Variants in SMUG1 observed in about 807,000 individuals in gnomAD.
SMUG1 encodes the protein single-strand-selective monofunctional uracil-DNA glycosylase 1.
A neutral mutation model predicts 23.9 loss-of-function variants in SMUG1; 13 were observed. That is an observed-to-expected ratio of 0.54 (90% CI 0.35 to 0.86). The LOEUF is 0.86. Ranked by LOEUF, SMUG1 falls within the 40% of genes least tolerant of loss-of-function variation. The pLI is 0.01. For synonymous variants in SMUG1, 133 were observed against 139.8 expected, an observed-to-expected ratio of 0.95 and a Z score of 0.34; for missense variants, 313 against 339.5, an observed-to-expected ratio of 0.92 and a Z score of 0.61.
downstream of SMUG1, among the ~76,000 whole-genome samples, chr12:54,179,235 G>A (rs907740645): frequency 2.6e-5 from 4 of 152,118 alleles, no homozygotes; most frequent in Non-Finnish European, 2.9e-5. Context: ...CCCTGTGATC[G>A]TGTGAGTCAA....
At chr12:54,176,098 T>A (rs992161681), downstream of SMUG1, among the ~76,000 whole-genome samples, 1 of 152,066 alleles carries the variant, frequency 6.6e-6, no homozygotes, top group Admixed American at 6.5e-5. Flanking sequence ...TGTTGGCACA[T>A]GCCTGTAATC....
At chr12:54,173,519 G>A (rs1050201546) in intron 2 of SMUG1, among the ~76,000 whole-genome samples, 2 of 152,208 alleles carry the variant, frequency 1.3e-5, no homozygotes, top group African/African-American at 4.8e-5. Flanking sequence ...GGAAATTACC[G>A]CCAGAATCGC....
intron 2 of SMUG1, among the ~76,000 whole-genome samples, chr12:54,185,526 A>T (rs987470010): frequency 3.8e-5 from 5 of 131,136 alleles, no homozygotes; most frequent in African/African-American, 1.4e-4. Context: ...ATAAATAAAT[A>T]AATTTGCCGG....
intron 3 of SMUG1, among the ~76,000 whole-genome samples, chr12:54,169,182 G>A (rs1415585610): frequency 6.6e-6 from 1 of 152,210 alleles, no homozygotes; most frequent in Non-Finnish European, 1.5e-5. Flanking sequence ...ACAGCCCTAA[G>A]AGACAGTGCT....
Position 54,180,419 on chromosome 12 carries a change from T to C in SMUG1, c.*1677A>G, listed in dbSNP as rs921018768. The C allele has an allele frequency of 6.6e-6, 1 of 152,192 alleles. No homozygotes were observed. Among genetic ancestry groups the C allele is most frequent in the African/African-American group, 2.4e-5 (1 of 41,442 alleles). The allele number at this position is 152,192 out of a possible 1,614,324, so 9.4% of individuals were successfully genotyped here. A position where few individuals can be genotyped will look rare whatever the true frequency, so the allele number is the denominator to read the frequency against. ...ACAATGAAGTAGGGGAGGATTTATA[T>C]GAAAAATCTTACTAATTCTGGAAGC... On this transcript the variant is annotated 3_prime_UTR_variant, in exon 4 of 4. Coordinates refer to ENST00000682136, the MANE Select transcript of SMUG1 (RefSeq NM_001243787.2).
At chr12:54,163,679 A>C (rs1478019546), downstream of SMUG1, among the ~76,000 whole-genome samples, 3 of 152,182 alleles carry the variant, frequency 2.0e-5, no homozygotes, top group Admixed American at 6.5e-5. Flanking sequence ...CCCTGTGGTT[A>C]AGAGCACAGG....
chr12:54,180,119 T>C (rs1387085268), downstream of SMUG1, among the ~76,000 whole-genome samples: 1 of 151,988 alleles, frequency 6.6e-6, no homozygotes, highest in East Asian at 1.9e-4. Flanking sequence ...GCTGGTATCA[T>C]CCAGCTCAAA....
At chr12:54,183,135 A>G (rs1348978949) in intron 3 of SMUG1, 1 of 188,784 alleles carries the variant, frequency 5.3e-6, no homozygotes, top group African/African-American at 2.3e-5. Flanking sequence ...CCCCTCCCCC[A>G]CCTGCCAAGC....
chr12:54,185,246 G>A (rs994562663), intron 2 of SMUG1, among the ~76,000 whole-genome samples: 1 of 151,154 alleles, frequency 6.6e-6, no homozygotes, highest in African/African-American at 2.4e-5. Flanking sequence ...TGGAGGTTGC[G>A]GTGAGCCAAG....
chr12:54,188,046 T>C (rs1457771601), intron 1 of SMUG1, 144 bp from the exon 2 acceptor site: 1 of 151,894 alleles, frequency 6.6e-6, no homozygotes, highest in East Asian at 1.9e-4. Flanking sequence ...TTAAGAAATG[T>C]AGATATTTTA....
Position 54,181,491 on chromosome 12 carries a change from T to G in SMUG1, c.*605A>C, listed in dbSNP as rs1462348946. On this transcript the variant is annotated 3_prime_UTR_variant, in exon 4 of 4. Coordinates refer to ENST00000682136, the MANE Select transcript of SMUG1 (RefSeq NM_001243787.2). ...GAGCCTGAGGCATAGAGAGGTTTAT[T>G]AATTTGTCAATCAAAAAGTTCCAAG... 6.9e-7 allele frequency: 1 copy of G among 1,445,234 alleles called. No individual in the cohort carries two copies. The highest frequency in any genetic ancestry group is 2.0e-5 in the Admixed American group (1 of 50,836). 89.5% of individuals were successfully genotyped at this position (1,445,234 alleles called of 1,614,324 possible). A position where few individuals can be genotyped will look rare whatever the true frequency, so the allele number is the denominator to read the frequency against.
intron 1 of SMUG1, 147 bp from the exon 2 acceptor site, chr12:54,188,049 A>C (rs577603528): frequency 6.6e-6 from 1 of 152,080 alleles, no homozygotes; most frequent in Admixed American, 6.5e-5. Flanking sequence ...AGAAATGTAG[A>C]TATTTTATAA....
chr12:54,158,240 G>A (rs537837265), intron 4 of SMUG1, among the ~76,000 whole-genome samples: 1 of 152,270 alleles, frequency 6.6e-6, no homozygotes, highest in African/African-American at 2.4e-5. Context: ...TGTCATTACT[G>A]TGAGTTGCAA....
chr12:54,180,959 G>C lies in SMUG1; in HGVS notation c.*1137C>G, dbSNP rs1940972689. The C allele has an allele frequency of 6.7e-6, 1 of 148,758 alleles. No homozygotes were observed. Among genetic ancestry groups the C allele is most frequent in the Non-Finnish European group, 1.5e-5 (1 of 67,846 alleles). The allele number at this position is 148,758 out of a possible 1,614,324, so 9.2% of individuals were successfully genotyped here. On this transcript the variant is annotated 3_prime_UTR_variant, in exon 4 of 4. Transcript: ENST00000682136. ...ACTGAGACCATGCCACTGCACTCCA[G>C]CCTGGGCAACAGCATGAGACTCCAT...
downstream of SMUG1, chr12:54,161,967 G>C (rs895322727): frequency 2.6e-5 from 4 of 152,444 alleles, no homozygotes; most frequent in Non-Finnish European, 5.9e-5. The surrounding 1 kb of genome is among the most constrained non-coding windows in gnomAD (Gnocchi z 4.2). Flanking sequence ...AGGTTCTGGG[G>C]AGCAGAACCA....
At chr12:54,159,108 G>A (rs1940144572) in intron 4 of SMUG1, among the ~76,000 whole-genome samples, 1 of 152,118 alleles carries the variant, frequency 6.6e-6, no homozygotes, top group Admixed American at 6.5e-5. Flanking sequence ...GCAGTTCAGG[G>A]AATGCTGCCT....
rs189398108 is a variant in SMUG1, at chr12:54,172,505, T to C, written c.399-396A>G. ...GTCAGGTCCCGCACAAGAAACAAAA[T>C]GCCCGCCTTGCTTCCTCTGTCTTCC... On this transcript the variant is annotated intron_variant and NMD_transcript_variant, in intron 2 of 4. Transcript: ENST00000509864. The C allele has an allele frequency of 6.6e-4, 108 of 163,538 alleles. 2 individuals are homozygous for C. The East Asian group carries it at 0.016, about 25-fold the overall frequency. 10.1% of individuals were successfully genotyped at this position (163,538 alleles called of 1,614,324 possible). A position where few individuals can be genotyped will look rare whatever the true frequency, so the allele number is the denominator to read the frequency against.
chr12:54,171,898 C>G (rs1051189182), intron 3 of SMUG1: 12 of 322,604 alleles, frequency 3.7e-5, no homozygotes, highest in African/African-American at 2.3e-4. Flanking sequence ...GTCTTATCCT[C>G]TACTCCTCTT....
Position 54,185,640 on chromosome 12 carries a change from G to A in SMUG1, c.-19-1681C>T, listed in dbSNP as rs547273774. On this transcript the variant is annotated intron_variant, in intron 2 of 3. Transcript: ENST00000682136. ...AACCTGGCCAACATGGTGAAACCCC[G>A]TCTCAACTAAAAATACAAAAATTAG... Among the ~76,000 whole-genome samples, 27 of 151,450 alleles carry A rather than the reference G, an allele frequency of 1.8e-4. 1 individual carries two copies. In the South Asian group the frequency reaches 5.6e-3, roughly 32 times the overall value.
Sources: allele counts gnomAD v4.1 joint callset (sites outside exome capture counted in the v4.1 genomes callset), GRCh38; gene constraint gnomAD v4.1.1; non-coding constraint Gnocchi (gnomAD v3.1); transcripts MANE v1.5; gene names NCBI Gene and HGNC (gene_info 2026-07-23, HGNC 2026-07-21).